The following ATRNL1 variants were observed in gnomAD, a reference collection of about 807,000 sequenced individuals.
The protein encoded by ATRNL1 is attractin like 1, also known as attractin-like protein 1.
In ATRNL1, 95 loss-of-function variants were observed where a neutral mutation model predicts 182.7. The observed-to-expected ratio is 0.52, with a 90% confidence interval of 0.44 to 0.62. ATRNL1 has a LOEUF of 0.62. Among genes scored for constraint, ATRNL1 ranks in the 20% least tolerant of loss-of-function variants. The probability of loss-of-function intolerance (pLI) is 0.00; values close to 1 mark genes in which losing one functional copy is unlikely to be tolerated. For missense variants in ATRNL1, 1,471 were observed against 1,679.5 expected (o/e 0.88, Z 2.17); for synonymous variants, 576 against 568.3 (o/e 1.01, Z -0.19).
intron 27 of ATRNL1, among the ~76,000 whole-genome samples, chr10:115,761,360 C>A (rs899722147): frequency 6.6e-6 from 1 of 152,024 alleles, no homozygotes; most frequent in African/African-American, 2.4e-5. Flanking sequence ...AGACATTGGG[C>A]GAGGTAAGGA....
rs781861294 is a variant in ATRNL1 at position 115,561,887 on chromosome 10, G to A, written c.3795+12351G>A. Among the ~76,000 whole-genome samples the A allele has an allele frequency of 1.5e-4, 23 of 152,156 alleles. No individual in the cohort carries two copies. The East Asian group carries it at 2.3e-3, about 15-fold the overall frequency. On this transcript the variant is annotated intron_variant, in intron 26 of 28. Coordinates refer to ENST00000355044, the MANE Select transcript of ATRNL1 (RefSeq NM_207303.4). The stretch of plus-strand genomic sequence containing the variant: ...ATCACCAATTATCACCAAAATGTTG[G>A]TGAGGCTGTGGAGAAATTAGATTCC...
chr10:115,329,597 A>G (rs1375773148), intron 18 of ATRNL1, among the ~76,000 whole-genome samples: 1 of 152,196 alleles, frequency 6.6e-6, no homozygotes, highest in African/African-American at 2.4e-5. Flanking sequence ...CGATTGTTCT[A>G]TCCTCTTGTA....
At chr10:115,628,020 A>G (rs1858219286) in intron 26 of ATRNL1, among the ~76,000 whole-genome samples, 1 of 151,764 alleles carries the variant, frequency 6.6e-6, no homozygotes, top group African/African-American at 2.4e-5. Flanking sequence ...GGTGGTGTGC[A>G]CCTGTAATTC....
rs536809974 is a variant in ATRNL1 at position 115,759,243 on chromosome 10, G to C, written c.3903+31888G>C. On this transcript the variant is annotated intron_variant, in intron 27 of 28. Coordinates refer to ENST00000355044, the MANE Select transcript of ATRNL1 (RefSeq NM_207303.4). Reference sequence around the variant, plus strand: ...TGATTTACCTTTCTCTTTAAATCAGGGTTTCTCAACTAGTGACACTAGTGA... The same window carrying C: ...TGATTTACCTTTCTCTTTAAATCAGCGTTTCTCAACTAGTGACACTAGTGA... Among the ~76,000 whole-genome samples the C allele has an allele frequency of 9.1e-4, 138 of 152,028 alleles. 1 individual carries two copies. Among genetic ancestry groups the C allele is most frequent in the Non-Finnish European group, 1.4e-3 (92 of 67,992 alleles).
intron 28 of ATRNL1, among the ~76,000 whole-genome samples, chr10:115,907,616 T>C (rs1555114848): frequency 1.3e-5 from 2 of 152,216 alleles, no homozygotes; most frequent in East Asian, 3.8e-4. Flanking sequence ...TTGCAGTCTG[T>C]AGGTTTAATT....
chr10:115,398,568 T>C (rs542689756), intron 20 of ATRNL1, among the ~76,000 whole-genome samples: 1 of 152,218 alleles, frequency 6.6e-6, no homozygotes, highest in South Asian at 2.1e-4. Flanking sequence ...ATCCTGATAC[T>C]TTGCTGAAGT....
chr10:115,382,452 A>G (rs1182244788), intron 19 of ATRNL1, among the ~76,000 whole-genome samples: 3 of 151,678 alleles, frequency 2.0e-5, no homozygotes, highest in Non-Finnish European at 4.4e-5. Context: ...TTTTATATGA[A>G]ATTATTTTTT....
At chr10:115,218,101 A>C (rs1849300322) in intron 9 of ATRNL1, among the ~76,000 whole-genome samples, 3 of 151,946 alleles carry the variant, frequency 2.0e-5, no homozygotes, top group Admixed American at 6.6e-5. Context: ...TTACATTATA[A>C]TATATAATGA....
At chr10:115,340,476 C>CTTTTTTTTT (rs1430940795) in intron 19 of ATRNL1, among the ~76,000 whole-genome samples, 44 of 95,098 alleles carry the variant, frequency 4.6e-4, no homozygotes, top group Non-Finnish European at 6.8e-4. Flanking sequence ...CTTTTCTTTT[C>CTTTTTTTTT]TTTTTTTTTT....
At chr10:115,457,056 G>GT (rs1287575896) in intron 21 of ATRNL1, among the ~76,000 whole-genome samples, 19 of 152,218 alleles carry the variant, frequency 1.2e-4, no homozygotes, top group African/African-American at 4.1e-4. Flanking sequence ...CAGGTCTTTT[G>GT]TTTCCACCAC....
chr10:115,597,567 GCT>G (rs1856325088), intron 26 of ATRNL1: 1 of 361,328 alleles, frequency 2.8e-6, no homozygotes, highest in Non-Finnish European at 5.0e-6. Context: ...ATTTATGGGA[GCT>G]TTTTTTTTTT....
At chr10:115,533,683 T>C (rs1851760654) in intron 25 of ATRNL1, among the ~76,000 whole-genome samples, 1 of 151,338 alleles carries the variant, frequency 6.6e-6, no homozygotes, top group African/African-American at 2.4e-5. Flanking sequence ...CTAGTTCTTT[T>C]AATTGTGATG....
At position 115,281,417 on chromosome 10, in the gene ATRNL1, C is replaced by T. The variant is rs781959796; in HGVS notation, c.2163C>T (p.Ser721=). 1 of 1,613,436 alleles carries T rather than the reference C, an allele frequency of 6.2e-7. No homozygotes were observed. Among genetic ancestry groups the T allele is most frequent in the Non-Finnish European group, 8.5e-7 (1 of 1,179,632 alleles). ...AGCAGATTTGTAACAAACTTACCAG[C>T]TGTAAAAGCTGTTCACTAAACTTGA... ...RNEQICNKLT[S]CKSCSLNLNC... is the part of the protein sequence containing the mutation. Residue 721 remains serine, a synonymous_variant, in exon 14 of 29, where the codon AGC becomes AGT. Coordinates refer to ENST00000355044, the MANE Select transcript of ATRNL1 (RefSeq NM_207303.4).
chr10:115,876,345 T>C (rs1311727355), intron 28 of ATRNL1, among the ~76,000 whole-genome samples: 3 of 152,216 alleles, frequency 2.0e-5, no homozygotes. Flanking sequence ...ATATACTTAA[T>C]TCAGTACCTG....
At chr10:115,518,167 A>G (rs1280699346) in intron 24 of ATRNL1, among the ~76,000 whole-genome samples, 1 of 151,822 alleles carries the variant, frequency 6.6e-6, no homozygotes, top group East Asian at 1.9e-4. Context: ...AGCTGGGACA[A>G]TTATAGGATT....
At chr10:115,483,151 T>C (rs1235722907) in intron 24 of ATRNL1, among the ~76,000 whole-genome samples, 4 of 151,390 alleles carry the variant, frequency 2.6e-5, no homozygotes, top group Admixed American at 2.6e-4. Context: ...TTATTGCATG[T>C]TGATCTCCTA....
At chr10:115,807,542 T>C (rs17093626) in intron 27 of ATRNL1, among the ~76,000 whole-genome samples, 8,780 of 152,272 alleles carry the variant, frequency 0.058, 828 homozygotes, top group African/African-American at 0.2. Flanking sequence ...TGGAAGAATG[T>C]TAGCAATTGA....
intron 24 of ATRNL1, among the ~76,000 whole-genome samples, chr10:115,505,729 A>T (rs1554981145): frequency 6.6e-6 from 1 of 152,086 alleles, no homozygotes; most frequent in Non-Finnish European, 1.5e-5. Flanking sequence ...GAGAAAAAAA[A>T]ACATGAACGC....
At chr10:115,934,549 TG>T in intron 28 of ATRNL1, among the ~76,000 whole-genome samples, 1 of 152,220 alleles carries the variant, frequency 6.6e-6, no homozygotes, top group East Asian at 1.9e-4. Context: ...ACCAATTGTA[TG>T]CACCCAGGTA....
Sources: allele counts gnomAD v4.1 joint callset (sites outside exome capture counted in the v4.1 genomes callset), GRCh38; gene constraint gnomAD v4.1.1; transcripts MANE v1.5; gene names NCBI Gene and HGNC (gene_info 2026-07-23, HGNC 2026-07-21).